CYLD: variants seen among roughly 807,000 people sequenced by gnomAD.
CYLD encodes the protein ubiquitin carboxyl-terminal hydrolase CYLD.
CYLD carries 26 observed loss-of-function variants against 104.5 expected under a neutral mutation model. The observed-to-expected ratio is 0.25, with a 90% CI of 0.18 to 0.35. The LOEUF (loss-of-function observed/expected upper bound fraction) is 0.35, where lower values mean the gene tolerates loss of function less well. CYLD is among the 10% of genes least tolerant of loss of function. CYLD has a pLI of 1.00. For missense variants in CYLD, 703 were observed against 1,136.1 expected (o/e 0.62, Z 5.48); for synonymous variants, 385 against 399.9 (o/e 0.96, Z 0.45).
intron 16 of CYLD, among the ~76,000 whole-genome samples, chr16:50,793,039 A>G (rs1040638341): frequency 1.3e-5 from 2 of 152,138 alleles, no homozygotes; most frequent in Non-Finnish European, 2.9e-5. Flanking sequence ...TTGAAGACCA[A>G]TGTGTATGAA....
Position 50,751,919 on chromosome 16 carries a change from T to C in CYLD, c.807+13T>C. ...TGGTGTGGACATGGTAAGAAAATTT[T>C]GGATTAAATATCTTTGTGATATATA... On this transcript the variant is annotated intron_variant, in intron 4 of 18. Coordinates refer to ENST00000427738, the MANE Select transcript of CYLD (RefSeq NM_001378743.1). 1.3e-6 allele frequency: 2 copies of C among 1,569,332 alleles called. No individual in the cohort carries two copies. The highest frequency in any genetic ancestry group is 2.2e-5 in the South Asian group (2 of 89,206).
intron 8 of CYLD, among the ~76,000 whole-genome samples, chr16:50,778,856 T>TA (rs141921301): frequency 0.044 from 6,684 of 152,204 alleles, 444 homozygotes; most frequent in African/African-American, 0.14. Context: ...AATTTTTTTT[T>TA]AAAAATATGG....
chr16:50,777,224 A>G (rs1421820657), intron 7 of CYLD, among the ~76,000 whole-genome samples: 1 of 152,156 alleles, frequency 6.6e-6, no homozygotes, highest in Non-Finnish European at 1.5e-5. Flanking sequence ...TTGAATTAAT[A>G]CTGAGGCAGG....
Position 50,784,435 on chromosome 16 carries a change from G to T in CYLD, c.1933G>T (p.Val645Phe). 6.2e-7 allele frequency: 1 copy of T among 1,613,088 alleles called. No individual in the cohort carries two copies. The highest frequency in any genetic ancestry group is 8.5e-7 in the Non-Finnish European group (1 of 1,179,718). ...ETQELLRTEI[V>F]NPLRIYGYVC... ...CCAAGAGCTACTGAGGACAGAAATT[G>T]TTAATCCTCTGAGAATGTAAGTAGA... The change falls in exon 12 of 19, where the codon GTT (valine) becomes TTT (phenylalanine). Residue 645 changes from valine (V) to phenylalanine (F), a missense_variant. By Grantham distance (50) the Val-to-Phe change is conservative. This residue lies in a region of CYLD where 125 missense variants were observed against 325.4 expected (regional missense o/e 0.38). Coordinates refer to ENST00000427738, the MANE Select transcript of CYLD (RefSeq NM_001378743.1).
chr16:50,781,099 C>G, intron 9 of CYLD, 147 bp from the exon 10 acceptor site: 4 of 824,916 alleles, frequency 4.8e-6, no homozygotes, highest in Non-Finnish European at 8.2e-6. Context: ...TTACTCAACT[C>G]CTTTTTCTTG....
At chr16:50,777,023 T>A (rs1436347540) in intron 7 of CYLD, among the ~76,000 whole-genome samples, 1 of 152,206 alleles carries the variant, frequency 6.6e-6, no homozygotes, top group African/African-American at 2.4e-5. Context: ...CTATATAGGA[T>A]AGCTCAAACT....
At chr16:50,783,638 A>C (rs8061821) in intron 11 of CYLD, among the ~76,000 whole-genome samples, 58,919 of 151,916 alleles carry the variant, frequency 0.39, 11,773 homozygotes, top group Non-Finnish European at 0.42. Flanking sequence ...TCCCGGGTTC[A>C]AGCGATTCTC....
chr16:50,793,115 TACACACACACACACACACAC>T (rs3064638), intron 16 of CYLD, among the ~76,000 whole-genome samples: 1 of 145,038 alleles, frequency 6.9e-6, no homozygotes, highest in African/African-American at 2.5e-5. Context: ...AGGAGCCATA[TACACACACACACACACACAC>T]ACACACACAC....
intron 2 of CYLD, among the ~76,000 whole-genome samples, chr16:50,747,372 A>G (rs2150887346): frequency 6.6e-6 from 1 of 152,344 alleles, no homozygotes; most frequent in South Asian, 2.1e-4. Flanking sequence ...GGCTGATTGC[A>G]AGGGAAAACT....
chr16:50,769,718 A>T (rs866693139), intron 5 of CYLD, among the ~76,000 whole-genome samples: 12 of 152,182 alleles, frequency 7.9e-5, no homozygotes, highest in African/African-American at 2.9e-4. Flanking sequence ...CAGAATGTTG[A>T]CCCTGATACA....
At chr16:50,742,263 C>T (rs1965732974) in intron 1 of CYLD, 139 bp downstream of exon 1, 1 of 151,048 alleles carries the variant, frequency 6.6e-6, no homozygotes, top group South Asian at 2.1e-4. Context: ...GGCCGGATCC[C>T]CTCGGCGCAG....
chr16:50,764,027 A>T (rs77392242), intron 5 of CYLD, among the ~76,000 whole-genome samples: 1 of 152,214 alleles, frequency 6.6e-6, no homozygotes, highest in East Asian at 1.9e-4. Context: ...TAATTTTCTT[A>T]TATTGAATCA....
Position 50,787,056 on chromosome 16 carries a change from G to A in CYLD, c.2041+110G>A, listed in dbSNP as rs12599914. The A allele has an allele frequency of 0.013, 12,305 of 925,184 alleles. 589 individuals are homozygous for A. The highest frequency in any genetic ancestry group is 0.13 in the African/African-American group (7,699 of 60,738). 57.3% of individuals were successfully genotyped at this position (925,184 alleles called of 1,614,324 possible). On this transcript the variant is annotated intron_variant, in intron 13 of 18. Transcript: ENST00000427738. ...AGTTGGGGGGTTTTCTTTTAAATTA[G>A]AAATTTCTTTTTATGTGATATATGG...
intron 5 of CYLD, among the ~76,000 whole-genome samples, chr16:50,754,935 ATG>A: frequency 6.8e-6 from 1 of 148,130 alleles, no homozygotes; most frequent in Middle Eastern, 3.6e-3. Context: ...ATACACACAT[ATG>A]TATATATACA....
At chr16:50,748,504 C>A (rs917663308) in intron 2 of CYLD, among the ~76,000 whole-genome samples, 12 of 151,766 alleles carry the variant, frequency 7.9e-5, no homozygotes, top group African/African-American at 2.7e-4. Context: ...GCTATGATCG[C>A]ACCAATGTAC....
intron 3 of CYLD, among the ~76,000 whole-genome samples, chr16:50,750,754 A>G (rs1355452644): frequency 6.6e-6 from 1 of 152,208 alleles, no homozygotes. Context: ...GTAAATAGTT[A>G]CATAAAAAAT....
rs986086042 is a variant in CYLD, at chr16:50,799,286, T to C, written c.*2778T>C. 6.0e-5 allele frequency: 14 copies of C among 233,216 alleles called. No homozygotes were observed. Among genetic ancestry groups the C allele is most frequent in the Non-Finnish European group, 9.3e-5 (11 of 118,024 alleles). The allele number at this position is 233,216 out of a possible 1,614,324, so 14.4% of individuals were successfully genotyped here. A position where few individuals can be genotyped will look rare whatever the true frequency, so the allele number is the denominator to read the frequency against. On this transcript the variant is annotated 3_prime_UTR_variant, in exon 19 of 19. Transcript: ENST00000427738. ...CATGTTCCTCACCTCCAAATAAATA[T>C]GTGTGTGTCTGTGTGTGTGTATATA...
chr16:50,764,610 T>C (rs1271116518), intron 5 of CYLD, among the ~76,000 whole-genome samples: 1 of 152,220 alleles, frequency 6.6e-6, no homozygotes, highest in East Asian at 1.9e-4. Flanking sequence ...TAATTCTTTC[T>C]AGATATACTT....
chr16:50,781,175 GAAAC>G (rs1970182351), intron 9 of CYLD, 67 bp from the exon 10 acceptor site: 1 of 1,561,478 alleles, frequency 6.4e-7, no homozygotes, highest in Admixed American at 1.7e-5. Flanking sequence ...ACAGGTCTTA[GAAAC>G]CTTAGTTCTT....
Sources: allele counts gnomAD v4.1 joint callset (sites outside exome capture counted in the v4.1 genomes callset), GRCh38; gene constraint gnomAD v4.1.1; regional missense constraint gnomAD v4.1.1; transcripts MANE v1.5; gene names NCBI Gene and HGNC (gene_info 2026-07-23, HGNC 2026-07-21).